The following SPIRE1 variants were observed in gnomAD, a reference collection of about 807,000 sequenced individuals.
SPIRE1 encodes protein spire homolog 1.
SPIRE1 carries 40 observed loss-of-function variants against 94.1 expected under a neutral mutation model. That is an observed-to-expected ratio of 0.43 (90% CI 0.33 to 0.55). The LOEUF (loss-of-function observed/expected upper bound fraction) is 0.55, where lower values mean the gene tolerates loss of function less well. SPIRE1 is among the 20% of genes least tolerant of loss of function. The pLI is 0.06. For missense variants in SPIRE1, 838 were observed against 975.2 expected, an observed-to-expected ratio of 0.86 and a Z score of 1.87; for synonymous variants, 376 against 371.7, an observed-to-expected ratio of 1.01 and a Z score of -0.13.
rs577954522 is a variant in SPIRE1 at position 12,657,856 on chromosome 18, G to A, written c.11C>T (p.Ala4Val). ...CTCCCCGCCGCCCGCCGGGCCAGCC[G>A]CCTGAGCCATCCCGCGGGTGGGCGC... The part of the protein sequence containing the change: MAQ[A>V]AGPAGGGEPR... Residue 4 changes from alanine to valine, a missense_variant, in exon 1 of 17, where the codon GCG becomes GTG. Physicochemically the swap from Ala to Val is moderately conservative, Grantham distance 64. Around this residue, in one of 2 missense-constraint regions of SPIRE1, gnomAD observed 193 missense variants for 170.5 expected, o/e 1.13. Coordinates refer to ENST00000409402, the MANE Select transcript of SPIRE1 (RefSeq NM_001128626.2). 379 of 1,093,314 alleles carry A rather than the reference G, an allele frequency of 3.5e-4. No individual in the cohort carries two copies. The highest frequency in any genetic ancestry group is 4.0e-4 in the Non-Finnish European group (365 of 903,138). The allele number at this position is 1,093,314 out of a possible 1,614,324, so 67.7% of individuals were successfully genotyped here.
At chr18:12,515,015 T>C (rs2034155090) in intron 4 of SPIRE1, among the ~76,000 whole-genome samples, 1 of 152,076 alleles carries the variant, frequency 6.6e-6, no homozygotes, top group Non-Finnish European at 1.5e-5. Context: ...CTCCTTTCCT[T>C]AGACATAATG....
chr18:12,482,300 G>A (rs1432694778), intron 9 of SPIRE1, among the ~76,000 whole-genome samples: 1 of 151,894 alleles, frequency 6.6e-6, no homozygotes, highest in African/African-American at 2.4e-5. Context: ...GTGCCACCAC[G>A]CCCAGCTAAT....
intron 2 of SPIRE1, among the ~76,000 whole-genome samples, chr18:12,611,453 C>G (rs796748291): frequency 2.0e-4 from 31 of 152,330 alleles, no homozygotes; most frequent in African/African-American, 7.5e-4. Context: ...AAACTGAGGC[C>G]TCCTGCCAAC....
chr18:12,499,255 G>A (rs989848810), intron 6 of SPIRE1, among the ~76,000 whole-genome samples: 3 of 147,662 alleles, frequency 2.0e-5, no homozygotes, highest in Admixed American at 6.7e-5. Flanking sequence ...AATTGGTGAA[G>A]AGACCTATTC....
At chr18:12,644,962 G>A (rs1419839533) in intron 1 of SPIRE1, among the ~76,000 whole-genome samples, 1 of 152,046 alleles carries the variant, frequency 6.6e-6, no homozygotes, top group Admixed American at 6.6e-5. Context: ...GAGAGCGGCC[G>A]GGCACCATGG....
rs948011193 is a variant in SPIRE1, at chr18:12,465,023, C to T, written c.1405-65G>A. On this transcript the variant is annotated intron_variant, in intron 10 of 16. Coordinates refer to ENST00000409402, the MANE Select transcript of SPIRE1 (RefSeq NM_001128626.2). ...TTTGTGCTCTAGTGCTACGTAATAA[C>T]ATTTTATTATTAAACAGTTATTTTA... 17 of 1,358,020 alleles carry T rather than the reference C, an allele frequency of 1.3e-5. No homozygotes were observed. In the African/African-American group the frequency reaches 2.3e-4, roughly 19 times the overall value. The allele number at this position is 1,358,020 out of a possible 1,614,324, so 84.1% of individuals were successfully genotyped here. A position where few individuals can be genotyped will look rare whatever the true frequency, so the allele number is the denominator to read the frequency against.
chr18:12,548,575 G>A (rs1157416713), intron 2 of SPIRE1, among the ~76,000 whole-genome samples: 1 of 150,622 alleles, frequency 6.6e-6, no homozygotes, highest in African/African-American at 2.4e-5. Flanking sequence ...TTTACAGTCT[G>A]ACCTGGCACT....
At chr18:12,615,345 A>AAAAAATATATATATAT in intron 2 of SPIRE1, among the ~76,000 whole-genome samples, 5 of 17,246 alleles carry the variant, frequency 2.9e-4, no homozygotes, top group Non-Finnish European at 9.2e-4. Context: ...AAAAAAAAAA[A>AAAAAATATATATATAT]ATATATATAT....
chr18:12,629,110 T>G (rs2037708452), intron 2 of SPIRE1, among the ~76,000 whole-genome samples: 1 of 152,224 alleles, frequency 6.6e-6, no homozygotes, highest in African/African-American at 2.4e-5. Context: ...CCACTTAAAA[T>G]ACAGTTAATC....
At chr18:12,564,726 A>G (rs982941349) in intron 2 of SPIRE1, among the ~76,000 whole-genome samples, 1 of 152,132 alleles carries the variant, frequency 6.6e-6, no homozygotes, top group African/African-American at 2.4e-5. Flanking sequence ...TTGAATGGTA[A>G]CTGACCAAGT....
chr18:12,490,395 A>G (rs2033189866), intron 8 of SPIRE1, among the ~76,000 whole-genome samples: 1 of 152,200 alleles, frequency 6.6e-6, no homozygotes, highest in African/African-American at 2.4e-5. Context: ...TCTACCAAAT[A>G]TTGAAAGAAG....
chr18:12,607,158 T>G (rs1334996753), intron 2 of SPIRE1, among the ~76,000 whole-genome samples: 1 of 152,218 alleles, frequency 6.6e-6, no homozygotes, highest in Non-Finnish European at 1.5e-5. Context: ...AGGTCCTGTT[T>G]TTTTGAAAAT....
chr18:12,448,617 G>A lies in SPIRE1; in HGVS notation c.*1021C>T, dbSNP rs543372512. 2 of 152,276 alleles carry A rather than the reference G, an allele frequency of 1.3e-5. No individual in the cohort carries two copies. The highest frequency in any genetic ancestry group is 1.9e-4 in the East Asian group (1 of 5,192). 9.4% of individuals were successfully genotyped at this position (152,276 alleles called of 1,614,324 possible). On this transcript the variant is annotated 3_prime_UTR_variant, in exon 17 of 17. Transcript: ENST00000409402. This position sits in a 1 kb window ranked among gnomAD's most constrained non-coding sequence, Gnocchi z 4.4. Reference sequence around the variant, plus strand: ...TTTTCTTCTAACTTTAAAAGAAGTAGATATTTTTTCTTTTAAAATTCATTT... The same window carrying A: ...TTTTCTTCTAACTTTAAAAGAAGTAAATATTTTTTCTTTTAAAATTCATTT...
At chr18:12,471,241 A>G (rs941036215) in intron 10 of SPIRE1, among the ~76,000 whole-genome samples, 3 of 152,030 alleles carry the variant, frequency 2.0e-5, no homozygotes, top group Non-Finnish European at 4.4e-5. Context: ...GTCTAATTTT[A>G]TAGGGGATCT....
intron 7 of SPIRE1, 26 bp from the exon 8 acceptor site, chr18:12,493,227 G>T (rs1384160043): frequency 6.3e-7 from 1 of 1,598,140 alleles, no homozygotes; most frequent in East Asian, 2.2e-5. Flanking sequence ...AATGGCTAAA[G>T]ACTTCAGTAA....
At chr18:12,585,046 C>T (rs916495879) in intron 2 of SPIRE1, among the ~76,000 whole-genome samples, 11 of 152,092 alleles carry the variant, frequency 7.2e-5, no homozygotes, top group Admixed American at 2.0e-4. Flanking sequence ...CCTCGTGATC[C>T]GCCCACCTCG....
In SPIRE1 at chr18:12,448,489, C is replaced by T. The variant is rs1024943083; in HGVS notation, c.*1149G>A. 2.0e-5 allele frequency: 3 copies of T among 152,264 alleles called. No homozygotes were observed. The East Asian group carries it at 5.8e-4, about 29-fold the overall frequency. The allele number at this position is 152,264 out of a possible 1,614,324, so 9.4% of individuals were successfully genotyped here. A position where few individuals can be genotyped will look rare whatever the true frequency, so the allele number is the denominator to read the frequency against. ...GACATTTGAGGCATACAATGCTACC[C>T]TCCAGTCTACTTTCGTCAGAAACCA... On this transcript the variant is annotated 3_prime_UTR_variant, in exon 17 of 17. Coordinates refer to ENST00000409402, the MANE Select transcript of SPIRE1 (RefSeq NM_001128626.2). This position sits in a 1 kb window ranked among gnomAD's most constrained non-coding sequence, Gnocchi z 4.4.
chr18:12,465,709 C>G (rs555676074), intron 10 of SPIRE1, among the ~76,000 whole-genome samples: 1 of 152,186 alleles, frequency 6.6e-6, no homozygotes, highest in African/African-American at 2.4e-5. Context: ...CCAAACCCAT[C>G]ACTTAGTAAG....
Position 12,580,134 on chromosome 18 carries a change from G to A in SPIRE1, c.373-33230C>T, listed in dbSNP as rs528379698. Among the ~76,000 whole-genome samples, 355 of 152,268 alleles carry A rather than the reference G, an allele frequency of 2.3e-3. 3 individuals carry two copies. Among genetic ancestry groups the A allele is most frequent in the South Asian group, 0.014 (69 of 4,820 alleles). On this transcript the variant is annotated intron_variant, in intron 2 of 16. Transcript: ENST00000409402. ...GTTATTTCTGAAGTACCGTCCTTGA[G>A]AAGGTATTTGGTAAAGATGCAGGCA...
Sources: allele counts gnomAD v4.1 joint callset (sites outside exome capture counted in the v4.1 genomes callset), GRCh38; gene constraint gnomAD v4.1.1; regional missense constraint gnomAD v4.1.1; non-coding constraint Gnocchi (gnomAD v3.1); transcripts MANE v1.5; gene names NCBI Gene and HGNC (gene_info 2026-07-23, HGNC 2026-07-21).